RBM23: variants seen among roughly 807,000 people sequenced by gnomAD.
RBM23 encodes the protein RNA binding motif protein 23, also known as probable RNA-binding protein 23.
A neutral mutation model predicts 56.2 loss-of-function variants in RBM23; 53 were observed. The ratio of observed to expected loss-of-function variants is 0.94; its 90% CI spans 0.76 to 1.19. The LOEUF is 1.19. Ranked by LOEUF, RBM23 falls within the 50% of genes most tolerant of loss-of-function variation. RBM23 has a pLI of 0.00. For synonymous variants in RBM23, 197 were observed against 198.5 expected (o/e 0.99, Z 0.06); for missense variants, 642 against 590.3 (o/e 1.09, Z -0.91).
Position 22,898,790 on chromosome 14 carries a change from A to C in RBM23, c.*2940T>G, listed in dbSNP as rs578256893. ...AGGGAGGCAAGGCCTGTGGATATTT[A>C]TAATAGTCTGAAGGAGCCAAGCCAG... On this transcript the variant is annotated 3_prime_UTR_variant, in exon 14 of 14. Coordinates refer to ENST00000359890, the MANE Select transcript of RBM23 (RefSeq NM_001077351.2). The C allele has an allele frequency of 6.6e-6, 1 of 151,898 alleles. No individual in the cohort carries two copies. The highest frequency in any genetic ancestry group is 1.9e-4 in the East Asian group (1 of 5,154). 9.4% of individuals were successfully genotyped at this position (151,898 alleles called of 1,614,324 possible). A position where few individuals can be genotyped will look rare whatever the true frequency, so the allele number is the denominator to read the frequency against.
chr14:22,894,221 T>TA lies in RBM23; in HGVS notation c.*7508dup, dbSNP rs1244310344. On this transcript the variant is annotated 3_prime_UTR_variant, in exon 14 of 14. Transcript: ENST00000359890. The stretch of plus-strand genomic sequence containing the variant: ...CTCAAAGCACAGCACCATTTGGAGA[T>TA]AAAAATTTAAGTTATGGTCTACAAA... 6.6e-6 allele frequency: 1 copy of TA among 152,206 alleles called. No individual in the cohort carries two copies. The highest frequency in any genetic ancestry group is 1.5e-5 in the Non-Finnish European group (1 of 68,030). The allele number at this position is 152,206 out of a possible 1,614,324, so 9.4% of individuals were successfully genotyped here.
chr14:22,903,438 C>T (rs556247576), intron 10 of RBM23: 1 of 985,464 alleles, frequency 1.0e-6, no homozygotes, highest in African/African-American at 1.7e-5. Flanking sequence ...ATTGTCAACA[C>T]CACAGCTAGC....
chr14:22,910,150 T>A (rs1487007170), intron 2 of RBM23, among the ~76,000 whole-genome samples: 6 of 8,184 alleles, frequency 7.3e-4, no homozygotes, highest in Non-Finnish European at 1.2e-3. Context: ...AGACTCTGTC[T>A]CAAAAAAAAA....
intron 3 of RBM23, 169 bp from the exon 4 acceptor site, chr14:22,908,549 T>G (rs1035624165): frequency 1.6e-6 from 1 of 608,904 alleles, no homozygotes. Context: ...TGTACCATCA[T>G]GCCCAGCTAA....
At position 22,899,919 on chromosome 14, in the gene RBM23, T is replaced by G. The variant is rs1354497045; in HGVS notation, c.*1811A>C. On this transcript the variant is annotated 3_prime_UTR_variant, in exon 14 of 14. Transcript: ENST00000359890. ...AGAAAGTCTTAGCATTTTGTTGCCA[T>G]AGAGATCAAAAAAGGAGCCCCACAG... 1 of 152,214 alleles carries G rather than the reference T, an allele frequency of 6.6e-6. No individual in the cohort carries two copies. Among genetic ancestry groups the G allele is most frequent in the African/African-American group, 2.4e-5 (1 of 41,446 alleles). 9.4% of individuals were successfully genotyped at this position (152,214 alleles called of 1,614,324 possible).
chr14:22,911,528 G>A (rs1001559352), intron 1 of RBM23, 125 bp from the exon 2 acceptor site: 29 of 708,704 alleles, frequency 4.1e-5, no homozygotes, highest in Non-Finnish European at 6.7e-5. Flanking sequence ...TCTGTTTCTT[G>A]AACTGCAAAG....
In RBM23 at chr14:22,901,809, C is replaced by T; in HGVS notation, c.1316+5G>A. 1.2e-6 allele frequency: 2 copies of T among 1,614,040 alleles called. No individual in the cohort carries two copies. Among genetic ancestry groups the T allele is most frequent in the Non-Finnish European group, 1.7e-6 (2 of 1,179,894 alleles). On this transcript the variant is annotated splice_donor_5th_base_variant and intron_variant, in intron 13 of 13. Coordinates refer to ENST00000359890, the MANE Select transcript of RBM23 (RefSeq NM_001077351.2). ...GGCTAGAATGAGCTAGACCCTGAGA[C>T]TCACATGGTCTGGGGGGTAAAGAGG...
In RBM23 at chr14:22,902,107, G is replaced by GA. The variant is rs1294966158; in HGVS notation, c.1127-9dup. 6 of 1,606,338 alleles carry GA rather than the reference G, an allele frequency of 3.7e-6. No homozygotes were observed. The highest frequency in any genetic ancestry group is 5.1e-6 in the Non-Finnish European group (6 of 1,175,320). ...GCAGTTGGATTCCAGCGCCTAAAAG[G>GA]AAAAGAAAAGGTGGGATTAAGCCCC... On this transcript the variant is annotated splice_polypyrimidine_tract_variant and intron_variant, in intron 11 of 13. Coordinates refer to ENST00000359890, the MANE Select transcript of RBM23 (RefSeq NM_001077351.2).
At position 22,906,243 on chromosome 14, in the gene RBM23, T is replaced by C; in HGVS notation, c.353A>G (p.His118Arg). The change falls in exon 5 of 14, where the codon CAT becomes CGT. Residue 118 changes from histidine to arginine, a missense_variant. Coordinates refer to ENST00000359890, the MANE Select transcript of RBM23 (RefSeq NM_001077351.2). ...GTAATGCACACGATCCTCACGACGA[T>C]GGTCCCGACTTCGCGACTCACTACC... ...RHGSESRSRD[H>R]RREDRVHYRS... 6.8e-6 allele frequency: 11 copies of C among 1,614,246 alleles called. No homozygotes were observed. The highest frequency in any genetic ancestry group is 1.3e-5 in the African/African-American group (1 of 75,074).
At chr14:22,908,309 T>C in intron 4 of RBM23, 24 bp downstream of exon 4, 1 of 1,549,456 alleles carries the variant, frequency 6.5e-7, no homozygotes, top group Non-Finnish European at 8.7e-7. Context: ...TACGAGCCAC[T>C]GTGCCTGGCC....
chr14:22,908,608 C>G, intron 3 of RBM23: 2 of 415,216 alleles, frequency 4.8e-6, no homozygotes, highest in Non-Finnish European at 8.6e-6. Context: ...TGGCCAGGTT[C>G]ATCTTGAACC....
chr14:22,911,681 G>A (rs1450381552), intron 1 of RBM23: 1 of 180,024 alleles, frequency 5.6e-6, no homozygotes, highest in Non-Finnish European at 1.2e-5. Flanking sequence ...GGGAGGGCAA[G>A]GCAGGCAGAT....
At chr14:22,904,186 T>G (rs2041117622) in intron 10 of RBM23, 75 bp downstream of exon 10, 1 of 1,611,368 alleles carries the variant, frequency 6.2e-7, no homozygotes, top group South Asian at 1.1e-5. Context: ...AGGAGGAGGA[T>G]GAAGCTAAGC....
intron 9 of RBM23, among the ~76,000 whole-genome samples, chr14:22,904,612 T>C (rs3751492): frequency 1.3e-5 from 2 of 151,976 alleles, no homozygotes; most frequent in South Asian, 2.1e-4. Context: ...GTTGGGACTA[T>C]AGGCGTGCAC....
intron 11 of RBM23, 33 bp from the exon 12 acceptor site, chr14:22,902,132 C>T (rs763335238): frequency 1.9e-6 from 3 of 1,605,114 alleles, no homozygotes; most frequent in African/African-American, 1.3e-5. Flanking sequence ...GATTAAGCCC[C>T]AACCCTTCAT....
In RBM23 at chr14:22,895,947, G is replaced by C. The variant is rs936148475; in HGVS notation, c.*5783C>G. The C allele has an allele frequency of 6.6e-6, 1 of 152,212 alleles. No homozygotes were observed. The highest frequency in any genetic ancestry group is 6.5e-5 in the Admixed American group (1 of 15,280). The allele number at this position is 152,212 out of a possible 1,614,324, so 9.4% of individuals were successfully genotyped here. Reference sequence around the variant, plus strand: ...AAGCATAAAGAGATTGGGCTAGTGGGATCTGTTTTCCTGAAAACTAGGCAG... The same window carrying C: ...AAGCATAAAGAGATTGGGCTAGTGGCATCTGTTTTCCTGAAAACTAGGCAG... On this transcript the variant is annotated 3_prime_UTR_variant, in exon 14 of 14. Coordinates refer to ENST00000359890, the MANE Select transcript of RBM23 (RefSeq NM_001077351.2).
chr14:22,910,391 G>T (rs2042271651), intron 2 of RBM23, among the ~76,000 whole-genome samples: 1 of 136,452 alleles, frequency 7.3e-6, no homozygotes, highest in African/African-American at 2.8e-5. Flanking sequence ...GGCAGAGGTT[G>T]TGGTGAGCTG....
In RBM23 at chr14:22,894,695, A is replaced by T. The variant is rs1488293860; in HGVS notation, c.*7035T>A. On this transcript the variant is annotated 3_prime_UTR_variant, in exon 14 of 14. Coordinates refer to ENST00000359890, the MANE Select transcript of RBM23 (RefSeq NM_001077351.2). ...GATCGCAGTGAGCAGAGATCATGCC[A>T]CTGCACTCCAGCCTGGGTGATAGCA... is the stretch of plus-strand genomic sequence containing the variant. 1 of 151,540 alleles carries T rather than the reference A, an allele frequency of 6.6e-6. No homozygotes were observed. The allele number at this position is 151,540 out of a possible 1,614,324, so 9.4% of individuals were successfully genotyped here.
intron 4 of RBM23, 145 bp downstream of exon 4, chr14:22,908,188 T>C (rs1418051860): frequency 3.6e-6 from 3 of 836,434 alleles, no homozygotes; most frequent in Non-Finnish European, 5.4e-6. Flanking sequence ...ACCTGGGTAA[T>C]TTTTAAATTT....
Sources: allele counts gnomAD v4.1 joint callset (sites outside exome capture counted in the v4.1 genomes callset), GRCh38; gene constraint gnomAD v4.1.1; transcripts MANE v1.5; gene names NCBI Gene and HGNC (gene_info 2026-07-23, HGNC 2026-07-21).